Variants in LMTK3 observed in about 807,000 individuals in gnomAD.
LMTK3 encodes serine/threonine-protein kinase LMTK3.
In LMTK3, 27 loss-of-function variants were observed where a neutral mutation model predicts 116.7. The observed-to-expected ratio is 0.23, with a 90% CI of 0.17 to 0.32. The LOEUF is 0.32. LMTK3 is among the 10% of genes least tolerant of loss of function. LMTK3 has a pLI of 1.00. For synonymous variants in LMTK3, 965 were observed against 971.0 expected (o/e 0.99, Z 0.11); for missense variants, 1,764 against 2,068.5 (o/e 0.85, Z 2.86).
Position 48,497,724 on chromosome 19 carries a change from G to C in LMTK3, c.3345C>G (p.Ala1115=). 7.5e-7 allele frequency: 1 copy of C among 1,337,500 alleles called. No homozygotes were observed. The highest frequency in any genetic ancestry group is 2.1e-5 in the South Asian group (1 of 48,234). 82.9% of individuals were successfully genotyped at this position (1,337,500 alleles called of 1,614,324 possible). A position where few individuals can be genotyped will look rare whatever the true frequency, so the allele number is the denominator to read the frequency against. ...GRLDLGSGGR[A]PVGTGTAPGG... ...CGGGGGCCGTCCCCGTGCCCACTGGGGCTCGGCCCCCACTCCCGAGGTCCA... is the reference window on the plus strand; with the variant it reads ...CGGGGGCCGTCCCCGTGCCCACTGGCGCTCGGCCCCCACTCCCGAGGTCCA... The change falls in exon 11 of 15, where the codon GCC becomes GCG. Residue 1115 remains alanine, a synonymous_variant. Transcript: ENST00000600059. The surrounding 1 kb of genome is among the most constrained non-coding windows in gnomAD (Gnocchi z 5.7).
intron 11 of LMTK3, among the ~76,000 whole-genome samples, chr19:48,496,026 G>A (rs1221029550): frequency 1.3e-5 from 2 of 152,236 alleles, no homozygotes; most frequent in Non-Finnish European, 2.9e-5. Context: ...GCAGCTCAGG[G>A]CCTCGAACAC....
Position 48,498,238 on chromosome 19 carries a change from G to A in LMTK3, c.2831C>T (p.Ala944Val), listed in dbSNP as rs762708061. ...QRAPGIEEKA[A>V]ENGALGSPER... ...GGGGGACCCCAGGGCCCCATTCTCCGCCGCCTTCTCCTCGATGCCTGGGGC... is the reference window on the plus strand; with the variant it reads ...GGGGGACCCCAGGGCCCCATTCTCCACCGCCTTCTCCTCGATGCCTGGGGC... Residue 944 changes from alanine to valine, a missense_variant, in exon 11 of 15, where the codon GCG (alanine) becomes GTG (valine). Coordinates refer to ENST00000600059, the MANE Select transcript of LMTK3 (RefSeq NM_001388485.1). The A allele has an allele frequency of 3.3e-5, 53 of 1,613,032 alleles. No individual in the cohort carries two copies. The South Asian group carries it at 5.2e-4, about 16-fold the overall frequency.
Position 48,487,031 on chromosome 19 carries a change from ATTTTT to A in LMTK3, c.4367-1247_4367-1243del, listed in dbSNP as rs34242861. Among the ~76,000 whole-genome samples the A allele has an allele frequency of 2.7e-3, 324 of 118,374 alleles. 2 individuals carry two copies. Among genetic ancestry groups the A allele is most frequent in the African/African-American group, 9.7e-3 (306 of 31,388 alleles). 77.7% of individuals were successfully genotyped at this position (118,374 alleles called of 152,430 possible). ...CAGGTGCCTGCCACCACACCCGGCT[ATTTTT>A]TTTTTTTTTTTTTTTTAAGACAGAG... On this transcript the variant is annotated intron_variant, in intron 14 of 14. Transcript: ENST00000600059.
chr19:48,510,070 A>G lies in LMTK3; in HGVS notation c.314T>C (p.Leu105Pro). The change falls in exon 3 of 15, where the codon CTG becomes CCG. Residue 105 changes from leucine (L) to proline (P), a missense_variant. Leu to Pro is a moderately conservative substitution (Grantham distance 98). This residue lies in a region of LMTK3 where 271 missense variants were observed against 478.2 expected (regional missense o/e 0.57). Transcript: ENST00000600059. ...AGGCATTGGCAGGGAGACCTCAGCC[A>G]GCGGGAGAATGTAGACATCAGGCAG... ...QSLPDVYILPLAEVSLPMPAP... is the reference protein window; with the variant it reads ...QSLPDVYILPPAEVSLPMPAP... 6.2e-7 allele frequency: 1 copy of G among 1,613,960 alleles called. No homozygotes were observed. Among genetic ancestry groups the G allele is most frequent in the Non-Finnish European group, 8.5e-7 (1 of 1,179,866 alleles).
intron 11 of LMTK3, among the ~76,000 whole-genome samples, chr19:48,495,442 G>A (rs549238000): frequency 9.9e-5 from 15 of 152,268 alleles, no homozygotes; most frequent in African/African-American, 1.9e-4. Flanking sequence ...GGGAAAAAGC[G>A]GGCCATTCTC....
In LMTK3 at chr19:48,499,507, G is replaced by A; in HGVS notation, c.1562C>T (p.Pro521Leu). ...GGCGCTGATGACAGGCAGCACGCTGGGCGTGGACAGCGCCTCGTAGAAAGG... is the reference window on the plus strand; with the variant it reads ...GGCGCTGATGACAGGCAGCACGCTGAGCGTGGACAGCGCCTCGTAGAAAGG... ...SNPFYEALST[P>L]SVLPVISARS... The change falls in exon 11 of 15, where the codon CCC becomes CTC. Residue 521 changes from proline to leucine, a missense_variant. Pro to Leu is a moderately conservative substitution (Grantham distance 98). Coordinates refer to ENST00000600059, the MANE Select transcript of LMTK3 (RefSeq NM_001388485.1). 6.8e-7 allele frequency: 1 copy of A among 1,481,380 alleles called. No individual in the cohort carries two copies. The highest frequency in any genetic ancestry group is 9.0e-7 in the Non-Finnish European group (1 of 1,116,726). The allele number at this position is 1,481,380 out of a possible 1,614,324, so 91.8% of individuals were successfully genotyped here. A position where few individuals can be genotyped will look rare whatever the true frequency, so the allele number is the denominator to read the frequency against.
In LMTK3 at chr19:48,493,817, G is replaced by C; in HGVS notation, c.3969C>G (p.Ala1323=). The change falls in exon 12 of 15, where the codon GCC becomes GCG. Residue 1323 remains alanine (A), a synonymous_variant. Coordinates refer to ENST00000600059, the MANE Select transcript of LMTK3 (RefSeq NM_001388485.1). ...ACTTGAGCAGCCCCCGCAGCGGGCG[G>C]GCCGCGTCCGCGTCGGCGCTGCTCA... is the stretch of plus-strand genomic sequence containing the variant. ...VVVSSADADA[A]RPLRGLLKSP... is the part of the protein sequence containing the mutation. 6.7e-7 allele frequency: 1 copy of C among 1,502,738 alleles called. No individual in the cohort carries two copies. The highest frequency in any genetic ancestry group is 8.9e-7 in the Non-Finnish European group (1 of 1,126,308). 93.1% of individuals were successfully genotyped at this position (1,502,738 alleles called of 1,614,324 possible).
At position 48,493,882 on chromosome 19, in the gene LMTK3, C is replaced by A. The variant is rs1396888267; in HGVS notation, c.3904G>T (p.Gly1302Cys). 4 of 1,096,074 alleles carry A rather than the reference C, an allele frequency of 3.6e-6. No homozygotes were observed. The highest frequency in any genetic ancestry group is 4.4e-6 in the Non-Finnish European group (4 of 903,710). 67.9% of individuals were successfully genotyped at this position (1,096,074 alleles called of 1,614,324 possible). Residue 1302 changes from glycine to cysteine, a missense_variant, in exon 12 of 15, where the codon GGC (glycine) becomes TGC (cysteine). Gly to Cys is a radical substitution (Grantham distance 159). This residue lies in a region of LMTK3 where 281 missense variants were observed against 301.4 expected (regional missense o/e 0.93). Transcript: ENST00000600059. ...AAPGAAAGPR[G>C]PGRARAAPVP... ...GGGGCTGCTCGCGCCCTCCCGGGGC[C>A]CCGCGGCCCCGCCGCCGCGCCCGGC...
chr19:48,491,650 C>T lies in LMTK3; in HGVS notation c.4093-111G>A, dbSNP rs1311116084. On this transcript the variant is annotated intron_variant, in intron 12 of 14. Transcript: ENST00000600059. This position sits in a 1 kb window ranked among gnomAD's most constrained non-coding sequence, Gnocchi z 5.1. ...AATATTTCTGGGGCTCTAGGAATCC[C>T]AATTTGTAATCACTGACTCGCACGC... The T allele has an allele frequency of 2.0e-6, 2 of 1,013,944 alleles. No individual in the cohort carries two copies. Among genetic ancestry groups the T allele is most frequent in the Non-Finnish European group, 2.6e-6 (2 of 776,842 alleles). The allele number at this position is 1,013,944 out of a possible 1,614,324, so 62.8% of individuals were successfully genotyped here.
intron 14 of LMTK3, among the ~76,000 whole-genome samples, chr19:48,486,573 T>A (rs1397699680): frequency 2.0e-5 from 3 of 152,092 alleles, no homozygotes. Context: ...AGTCTTGCTC[T>A]GTTGCCCAGA....
rs1972441167 is a variant in LMTK3 at position 48,500,348 on chromosome 19, C to T, written c.1152-431G>A. Among the ~76,000 whole-genome samples, 1 of 151,880 alleles carries T rather than the reference C, an allele frequency of 6.6e-6. No individual in the cohort carries two copies. The highest frequency in any genetic ancestry group is 2.4e-5 in the African/African-American group (1 of 41,308). ...CTGAGGCAGGAGAACCGCTTGAACC[C>T]GGGAGGCGGAGGTTGCAGTGAGCCA... On this transcript the variant is annotated intron_variant, in intron 10 of 14. Transcript: ENST00000600059. This position sits in a 1 kb window ranked among gnomAD's most constrained non-coding sequence, Gnocchi z 4.0.
At chr19:48,509,874 G>T in intron 3 of LMTK3, 149 bp downstream of exon 3, 1 of 845,498 alleles carries the variant, frequency 1.2e-6, no homozygotes, top group Non-Finnish European at 1.8e-6. Context: ...CTCCCCATAG[G>T]CTGCTTCCAA....
rs990628989 is a variant in LMTK3 at position 48,497,146 on chromosome 19, G to A, written c.3676+247C>T. Among the ~76,000 whole-genome samples the A allele has an allele frequency of 2.5e-4, 38 of 152,202 alleles. No homozygotes were observed. The highest frequency in any genetic ancestry group is 8.7e-4 in the African/African-American group (36 of 41,460). On this transcript the variant is annotated intron_variant, in intron 11 of 14. Coordinates refer to ENST00000600059, the MANE Select transcript of LMTK3 (RefSeq NM_001388485.1). This position sits in a 1 kb window ranked among gnomAD's most constrained non-coding sequence, Gnocchi z 5.7. The stretch of plus-strand genomic sequence containing the variant: ...TTAACCTTCACAGCAACCCTATGAC[G>A]TAGGTTCTATCCCTGCCATCCGTTT...
chr19:48,489,764 G>C (rs571425155), intron 14 of LMTK3, among the ~76,000 whole-genome samples: 1 of 152,290 alleles, frequency 6.6e-6, no homozygotes, highest in South Asian at 2.1e-4. Flanking sequence ...CTTGCCCCAG[G>C]TCACACAGCT....
chr19:48,485,646 GA>G lies in LMTK3; in HGVS notation c.*126del. On this transcript the variant is annotated 3_prime_UTR_variant, in exon 15 of 15. Transcript: ENST00000600059. ...GCACATGGTAGGGGAGTGGGAGGGG[GA>G]GGGCCCAGCCTCGGGGGCCTCCCCA... is the stretch of plus-strand genomic sequence containing the variant. The G allele has an allele frequency of 9.6e-7, 1 of 1,044,882 alleles. No individual in the cohort carries two copies. Among genetic ancestry groups the G allele is most frequent in the Non-Finnish European group, 1.4e-6 (1 of 699,480 alleles). 64.7% of individuals were successfully genotyped at this position (1,044,882 alleles called of 1,614,324 possible).
chr19:48,499,044 C>A lies in LMTK3; in HGVS notation c.2025G>T (p.Glu675Asp). 6.7e-7 allele frequency: 1 copy of A among 1,502,216 alleles called. No individual in the cohort carries two copies. The highest frequency in any genetic ancestry group is 8.9e-7 in the Non-Finnish European group (1 of 1,127,484). 93.1% of individuals were successfully genotyped at this position (1,502,216 alleles called of 1,614,324 possible). A position where few individuals can be genotyped will look rare whatever the true frequency, so the allele number is the denominator to read the frequency against. Reference protein sequence around the residue: ...GPLPCPLCSREGACSCLPLER... With the variant: ...GPLPCPLCSRDGACSCLPLER... Reference sequence around the variant, plus strand: ...CCAGTGGCAGGCAGGAGCAGGCCCCCTCGCGGCTGCACAGGGGACAGGGTA... The same window carrying A: ...CCAGTGGCAGGCAGGAGCAGGCCCCATCGCGGCTGCACAGGGGACAGGGTA... Residue 675 changes from glutamate to aspartate, a missense_variant, in exon 11 of 15, where the codon GAG becomes GAT. Around this residue, in one of 7 missense-constraint regions of LMTK3, gnomAD observed 1,028 missense variants for 1,050.6 expected, o/e 0.98. Coordinates refer to ENST00000600059, the MANE Select transcript of LMTK3 (RefSeq NM_001388485.1).
chr19:48,503,289 C>G (rs1321717742), intron 5 of LMTK3, among the ~76,000 whole-genome samples: 1 of 152,054 alleles, frequency 6.6e-6, no homozygotes, highest in Non-Finnish European at 1.5e-5. Context: ...CTCAAGTGAT[C>G]CACCCTCCTC....
At position 48,497,834 on chromosome 19, in the gene LMTK3, G is replaced by C; in HGVS notation, c.3235C>G (p.Pro1079Ala). The change falls in exon 11 of 15, where the codon CCC (proline) becomes GCC (alanine). Residue 1079 changes from proline (P) to alanine (A), a missense_variant. Physicochemically the swap from Pro to Ala is conservative, Grantham distance 27 (BLOSUM62 -1). Around this residue, in one of 7 missense-constraint regions of LMTK3, gnomAD observed 1,028 missense variants for 1,050.6 expected, o/e 0.98. Coordinates refer to ENST00000600059, the MANE Select transcript of LMTK3 (RefSeq NM_001388485.1). This position sits in a 1 kb window ranked among gnomAD's most constrained non-coding sequence, Gnocchi z 5.7. ...CCGGGTTCCAGCGTCCCGTTCTTGG[G>C]GGCTGGGCCAAGGGGGCCAGGGGCT... ...ETAPGPLGPA[P>A]KNGTLEPGTE... The C allele has an allele frequency of 7.1e-7, 1 of 1,411,640 alleles. No homozygotes were observed. Among genetic ancestry groups the C allele is most frequent in the Non-Finnish European group, 9.2e-7 (1 of 1,088,486 alleles). The allele number at this position is 1,411,640 out of a possible 1,614,324, so 87.4% of individuals were successfully genotyped here. A position where few individuals can be genotyped will look rare whatever the true frequency, so the allele number is the denominator to read the frequency against.
rs138081360 is a variant in LMTK3, at chr19:48,506,244, T to C, written c.557+2607A>G. On this transcript the variant is annotated intron_variant, in intron 5 of 14. Transcript: ENST00000600059. ...TCACTTGAGCCCAGGAGCTCAAGGCTGAAGTGAGCCTTGAAAAAAAAAAAA... is the reference window on the plus strand; with the variant it reads ...TCACTTGAGCCCAGGAGCTCAAGGCCGAAGTGAGCCTTGAAAAAAAAAAAA... Among the ~76,000 whole-genome samples the C allele has an allele frequency of 5.0e-3, 764 of 151,410 alleles. 5 individuals carry two copies. The highest frequency in any genetic ancestry group is 0.017 in the African/African-American group (717 of 41,212).
Sources: allele counts gnomAD v4.1 joint callset (sites outside exome capture counted in the v4.1 genomes callset), GRCh38; gene constraint gnomAD v4.1.1; regional missense constraint gnomAD v4.1.1; non-coding constraint Gnocchi (gnomAD v3.1); transcripts MANE v1.5; gene names NCBI Gene and HGNC (gene_info 2026-07-23, HGNC 2026-07-21).